The following NCKAP5 variants were observed in gnomAD, a reference collection of about 807,000 sequenced individuals.
NCKAP5 encodes the protein nck-associated protein 5.
NCKAP5 carries 92 observed loss-of-function variants against 167.0 expected under a neutral mutation model. That is an observed-to-expected ratio of 0.55 (90% confidence interval 0.47 to 0.66). The LOEUF (loss-of-function observed/expected upper bound fraction) is 0.66. NCKAP5 is among the 30% of genes least tolerant of loss of function. The probability of loss-of-function intolerance (pLI) is 0.00; values close to 1 mark genes in which losing one functional copy is unlikely to be tolerated. For missense variants in NCKAP5, 2,378 were observed against 2,315.0 expected (o/e 1.03, Z -0.56); for synonymous variants, 891 against 877.4 (o/e 1.02, Z -0.27).
At chr2:133,548,396 C>T (rs1686947362) in intron 2 of NCKAP5, among the ~76,000 whole-genome samples, 1 of 150,896 alleles carries the variant, frequency 6.6e-6, no homozygotes, top group African/African-American at 2.4e-5. Context: ...AGATACTCCT[C>T]GAGAAGAGCA....
chr2:132,677,277 T>A (rs1684613026), intron 19 of NCKAP5, among the ~76,000 whole-genome samples: 1 of 152,206 alleles, frequency 6.6e-6, no homozygotes, highest in Admixed American at 6.5e-5. Flanking sequence ...AAATACATTT[T>A]CAAGCTTAAA....
intron 3 of NCKAP5, among the ~76,000 whole-genome samples, chr2:133,376,224 A>G (rs529809028): frequency 1.3e-5 from 2 of 152,352 alleles, no homozygotes; most frequent in Admixed American, 6.5e-5. Flanking sequence ...AAACCTAACA[A>G]AATTAATACA....
chr2:133,059,154 G>T (rs1001892433), intron 6 of NCKAP5, among the ~76,000 whole-genome samples: 1 of 151,956 alleles, frequency 6.6e-6, no homozygotes, highest in Admixed American at 6.6e-5. Context: ...AAAAAAATTA[G>T]CTGGGAGTGG....
At chr2:133,367,133 A>G (rs911084612) in intron 3 of NCKAP5, among the ~76,000 whole-genome samples, 1 of 152,208 alleles carries the variant, frequency 6.6e-6, no homozygotes, top group Non-Finnish European at 1.5e-5. Context: ...AGAACAAAAC[A>G]ACAGCAGAAA....
chr2:133,418,133 A>G (rs1050108485), intron 3 of NCKAP5, among the ~76,000 whole-genome samples: 4 of 152,178 alleles, frequency 2.6e-5, no homozygotes, highest in Non-Finnish European at 5.9e-5. Context: ...TTTACAACGG[A>G]TATTTTCTCA....
chr2:133,333,046 T>C (rs988311965), intron 3 of NCKAP5, among the ~76,000 whole-genome samples: 10 of 152,270 alleles, frequency 6.6e-5, no homozygotes, highest in Non-Finnish European at 2.9e-5. Context: ...TTTTTTGAAA[T>C]AATTATGAAT....
At chr2:133,589,383 C>G in the NCKAP5 span, among the ~76,000 whole-genome samples, 1 of 152,100 alleles carries the variant, frequency 6.6e-6, no homozygotes, top group Non-Finnish European at 1.5e-5. Flanking sequence ...GAAGGGGGAG[C>G]CTGCAGGAGA....
intron 3 of NCKAP5, among the ~76,000 whole-genome samples, chr2:133,414,932 C>T (rs1024704805): frequency 5.9e-5 from 9 of 152,166 alleles, no homozygotes; most frequent in Admixed American, 6.5e-5. Flanking sequence ...CTAATGGTCC[C>T]TTCAGTGGCC....
chr2:133,000,304 G>C (rs2077735948), intron 6 of NCKAP5, among the ~76,000 whole-genome samples: 1 of 152,202 alleles, frequency 6.6e-6, no homozygotes, highest in African/African-American at 2.4e-5. Flanking sequence ...GAAAGAGGCT[G>C]CAGTTAAATT....
chr2:132,821,974 C>A (rs1034539307), intron 11 of NCKAP5, among the ~76,000 whole-genome samples: 3 of 152,156 alleles, frequency 2.0e-5, no homozygotes, highest in Non-Finnish European at 4.4e-5. Context: ...CTCTTGGGAG[C>A]TTTATGGCCC....
chr2:133,573,167 G>A (rs1688926469), upstream of NCKAP5, among the ~76,000 whole-genome samples: 1 of 152,162 alleles, frequency 6.6e-6, no homozygotes, highest in South Asian at 2.1e-4. Flanking sequence ...AGATGTTATG[G>A]TAGCCCTCTT....
chr2:132,890,674 C>G (rs183115280), intron 8 of NCKAP5, among the ~76,000 whole-genome samples: 19 of 152,302 alleles, frequency 1.2e-4, no homozygotes, highest in African/African-American at 4.3e-4. Context: ...ATCCCCTTCC[C>G]TCTATGATTA....
chr2:133,638,890 T>C, the NCKAP5 span, among the ~76,000 whole-genome samples: 11 of 149,546 alleles, frequency 7.4e-5, no homozygotes, highest in South Asian at 2.1e-3. Context: ...TCTTTTAAAG[T>C]GTAACAAACA....
At chr2:133,134,517 G>A (rs556126275) in intron 5 of NCKAP5, among the ~76,000 whole-genome samples, 1 of 152,158 alleles carries the variant, frequency 6.6e-6, no homozygotes, top group South Asian at 2.1e-4. Flanking sequence ...AGAGCTGACT[G>A]GACACCATGG....
At chr2:132,885,728 T>TA (rs1692163420) in intron 8 of NCKAP5, among the ~76,000 whole-genome samples, 1 of 152,232 alleles carries the variant, frequency 6.6e-6, no homozygotes, top group Non-Finnish European at 1.5e-5. Context: ...GGCTGGAACT[T>TA]ACGAATGATT....
upstream of NCKAP5, among the ~76,000 whole-genome samples, chr2:133,572,126 C>T (rs114039898): frequency 0.016 from 2,486 of 152,292 alleles, 39 homozygotes; most frequent in Middle Eastern, 0.034. Context: ...AGTGGCAGAT[C>T]CGGAATTTCA....
chr2:132,837,249 G>C (rs1176797021), intron 11 of NCKAP5, among the ~76,000 whole-genome samples: 1 of 152,138 alleles, frequency 6.6e-6, no homozygotes, highest in Admixed American at 6.5e-5. Context: ...TGTGTCCTCA[G>C]GGGCTCACAG....
chr2:132,793,984 G>T (rs1416167037), intron 12 of NCKAP5, among the ~76,000 whole-genome samples: 2 of 151,610 alleles, frequency 1.3e-5, no homozygotes, highest in African/African-American at 4.8e-5. Flanking sequence ...ACTGTTCTGT[G>T]GTTGAGCACT....
chr2:133,324,629 A>T (rs1390901804), intron 3 of NCKAP5, among the ~76,000 whole-genome samples: 1 of 152,236 alleles, frequency 6.6e-6, no homozygotes, highest in Non-Finnish European at 1.5e-5. Context: ...GCGAAATAAA[A>T]GTTTGTTGCA....
Sources: allele counts gnomAD v4.1 joint callset (sites outside exome capture counted in the v4.1 genomes callset), GRCh38; gene constraint gnomAD v4.1.1; transcripts MANE v1.5; gene names NCBI Gene and HGNC (gene_info 2026-07-23, HGNC 2026-07-21).